Variants in ADNP observed in about 807,000 individuals in gnomAD.
ADNP encodes activity-dependent neuroprotector homeobox protein.
Under a neutral mutation model 84.9 loss-of-function variants are expected in ADNP, and 4 were observed. The observed-to-expected ratio is 0.05, with a 90% CI of 0.02 to 0.11. ADNP has a LOEUF of 0.11. ADNP is among the 10% of genes least tolerant of loss of function. The pLI is 1.00. For synonymous variants in ADNP, 554 were observed against 468.1 expected, an observed-to-expected ratio of 1.18 and a Z score of -2.37; for missense variants, 1,132 against 1,326.0, an observed-to-expected ratio of 0.85 and a Z score of 2.27.
intron 2 of ADNP, among the ~76,000 whole-genome samples, chr20:50,916,452 C>T (rs1437171598): frequency 6.6e-6 from 1 of 152,142 alleles, no homozygotes; most frequent in Non-Finnish European, 1.5e-5. Context: ...TTAAGACACG[C>T]CCCTCTTCTC....
Position 50,890,893 on chromosome 20 carries a change from G to T in ADNP, c.*512C>A. The T allele has an allele frequency of 1.0e-6, 1 of 977,330 alleles. No homozygotes were observed. The highest frequency in any genetic ancestry group is 1.2e-6 in the Non-Finnish European group (1 of 822,428). The allele number at this position is 977,330 out of a possible 1,614,324, so 60.5% of individuals were successfully genotyped here. A position where few individuals can be genotyped will look rare whatever the true frequency, so the allele number is the denominator to read the frequency against. Reference sequence around the variant, plus strand: ...CACTAAAAAAAGAAATCTATGATGGGCACACAGTAACAGGATCATGAGCAT... The same window carrying T: ...CACTAAAAAAAGAAATCTATGATGGTCACACAGTAACAGGATCATGAGCAT... On this transcript the variant is annotated 3_prime_UTR_variant, in exon 6 of 6. Coordinates refer to ENST00000621696, the MANE Select transcript of ADNP (RefSeq NM_001282531.3).
At chr20:50,897,199 C>G (rs1310024790) in intron 5 of ADNP, among the ~76,000 whole-genome samples, 1 of 152,188 alleles carries the variant, frequency 6.6e-6, no homozygotes, top group Non-Finnish European at 1.5e-5. Flanking sequence ...CCTCGGCCTC[C>G]CAAAATGCTG....
intron 2 of ADNP, among the ~76,000 whole-genome samples, chr20:50,906,189 C>T (rs898922182): frequency 2.0e-5 from 3 of 152,096 alleles, no homozygotes; most frequent in Non-Finnish European, 2.9e-5. Flanking sequence ...TCCAGCATGG[C>T]GAGAGCGAGA....
chr20:50,892,788 G>A lies in ADNP; in HGVS notation c.1926C>T (p.His642=), dbSNP rs763668288. 13 of 1,614,134 alleles carry A rather than the reference G, an allele frequency of 8.1e-6. No homozygotes were observed. The highest frequency in any genetic ancestry group is 1.7e-5 in the Admixed American group (1 of 60,014). Reference sequence around the variant, plus strand: ...GAATAACTTGGTGCCTCTCTCGTAAGTGATGTGCAAGTGCATCAGATATGG... The same window carrying A: ...GAATAACTTGGTGCCTCTCTCGTAAATGATGTGCAAGTGCATCAGATATGG... The part of the protein sequence containing the change: ...KGPISDALAH[H]LRERHQVIQT... Residue 642 remains histidine, a synonymous_variant, in exon 6 of 6, where the codon CAC becomes CAT. Transcript: ENST00000621696.
intron 5 of ADNP, among the ~76,000 whole-genome samples, chr20:50,900,239 T>G (rs1026776148): frequency 3.9e-5 from 6 of 152,334 alleles, no homozygotes; most frequent in South Asian, 2.1e-4. Context: ...TTAATCACTC[T>G]TATAGTATTC....
In ADNP at chr20:50,906,972, TTTTG is replaced by T. The variant is rs1313992391; in HGVS notation, c.-89-2127_-89-2124del. Among the ~76,000 whole-genome samples the T allele has an allele frequency of 3.2e-5, 3 of 95,134 alleles. No individual in the cohort carries two copies. In the East Asian group the frequency reaches 1.0e-3, roughly 32 times the overall value. 62.4% of individuals were successfully genotyped at this position (95,134 alleles called of 152,430 possible). On this transcript the variant is annotated intron_variant, in intron 2 of 5. Transcript: ENST00000621696. ...TTGAGACAGGGTTCCAGTTTTTTTT[TTTTG>T]TTTTTTTTTTTGAGACAGTCTCGCT...
intron 1 of ADNP, among the ~76,000 whole-genome samples, 190 bp downstream of exon 1, chr20:50,930,636 G>A (rs1250446740): frequency 6.6e-6 from 1 of 151,756 alleles, no homozygotes; most frequent in Non-Finnish European, 1.5e-5. Context: ...TCGGGTAGCG[G>A]TCCGTGCCGG....
chr20:50,890,754 AG>A lies in ADNP; in HGVS notation c.*650del, dbSNP rs1980608578. The stretch of plus-strand genomic sequence containing the variant: ...TCTTACGTGGCTGGCCTCTGTTGCA[AG>A]ATTGTACAAGGTTATGTGCAAAAAC... On this transcript the variant is annotated 3_prime_UTR_variant, in exon 6 of 6. Coordinates refer to ENST00000621696, the MANE Select transcript of ADNP (RefSeq NM_001282531.3). The A allele has an allele frequency of 4.9e-6, 1 of 202,714 alleles. No homozygotes were observed. The highest frequency in any genetic ancestry group is 6.5e-5 in the Admixed American group (1 of 15,336). The allele number at this position is 202,714 out of a possible 1,614,324, so 12.6% of individuals were successfully genotyped here.
chr20:50,910,969 A>G (rs1982969615), intron 2 of ADNP, among the ~76,000 whole-genome samples: 4 of 152,144 alleles, frequency 2.6e-5, no homozygotes, highest in Admixed American at 2.6e-4. Flanking sequence ...TCAATTCTGG[A>G]GACTAACACT....
At chr20:50,923,396 C>T (rs1028740956) in intron 2 of ADNP, among the ~76,000 whole-genome samples, 1 of 152,214 alleles carries the variant, frequency 6.6e-6, no homozygotes, top group Non-Finnish European at 1.5e-5. Flanking sequence ...TTCCCAGGAT[C>T]AAGGCTTCAC....
intron 2 of ADNP, among the ~76,000 whole-genome samples, chr20:50,911,655 T>C (rs1419772950): frequency 1.3e-5 from 2 of 152,132 alleles, no homozygotes; most frequent in Non-Finnish European, 1.5e-5. Flanking sequence ...AGCTTGTCTA[T>C]GGTAGTTCTG....
intron 2 of ADNP, among the ~76,000 whole-genome samples, chr20:50,916,712 T>C (rs930503168): frequency 6.6e-6 from 1 of 152,200 alleles, no homozygotes; most frequent in African/African-American, 2.4e-5. Context: ...TAAAAAATAT[T>C]TTTAAAAATA....
Position 50,923,437 on chromosome 20 carries a change from C to A in ADNP, c.-90+5214G>T, listed in dbSNP as rs1984086148. On this transcript the variant is annotated intron_variant, in intron 2 of 5. Transcript: ENST00000621696. ...GTAGCTTTTCAAAAGCGTTCTTGTACCAGGTTTTGCCACTTGATGGCTCAA... is the reference window on the plus strand; with the variant it reads ...GTAGCTTTTCAAAAGCGTTCTTGTAACAGGTTTTGCCACTTGATGGCTCAA... Among the ~76,000 whole-genome samples, 4 of 152,174 alleles carry A rather than the reference C, an allele frequency of 2.6e-5. No homozygotes were observed. In the South Asian group the frequency reaches 6.2e-4, roughly 24 times the overall value.
intron 2 of ADNP, among the ~76,000 whole-genome samples, chr20:50,905,760 T>A (rs2122854742): frequency 6.6e-6 from 1 of 152,356 alleles, no homozygotes; most frequent in East Asian, 1.9e-4. Flanking sequence ...GCTAATAATC[T>A]GCATATTGTG....
Position 50,892,785 on chromosome 20 carries a change from T to A in ADNP, c.1929A>T (p.Leu643Phe). Reference protein sequence around the residue: ...GPISDALAHHLRERHQVIQTV... With the variant: ...GPISDALAHHFRERHQVIQTV... ...TCTGAATAACTTGGTGCCTCTCTCG[T>A]AAGTGATGTGCAAGTGCATCAGATA... The change falls in exon 6 of 6, where the codon TTA becomes TTT. Residue 643 changes from leucine (L) to phenylalanine (F), a missense_variant. By Grantham distance (22) the Leu-to-Phe change is conservative (BLOSUM62 0). Transcript: ENST00000621696. The A allele has an allele frequency of 6.2e-7, 1 of 1,614,268 alleles. No homozygotes were observed. Among genetic ancestry groups the A allele is most frequent in the Non-Finnish European group, 8.5e-7 (1 of 1,180,048 alleles).
In ADNP at chr20:50,892,548, C is replaced by T. The variant is rs765908230; in HGVS notation, c.2166G>A (p.Met722Ile). 2 of 1,614,196 alleles carry T rather than the reference C, an allele frequency of 1.2e-6. No homozygotes were observed. Among genetic ancestry groups the T allele is most frequent in the East Asian group, 4.5e-5 (2 of 44,876 alleles). The change falls in exon 6 of 6, where the codon ATG (methionine) becomes ATA (isoleucine). Residue 722 changes from methionine to isoleucine, a missense_variant. Transcript: ENST00000621696. ...TTCGTTTTTTCAGTAAGGGAAATTC[C>T]ATTTGCTCGTAAGTGCGCTTCACAG... ...LAPVKRTYEQ[M>I]EFPLLKKRKL...
At chr20:50,903,814 C>A in intron 4 of ADNP, 75 bp downstream of exon 4, 1 of 1,072,436 alleles carries the variant, frequency 9.3e-7, no homozygotes, top group Non-Finnish European at 1.4e-6. Context: ...AAGATTTAGC[C>A]ATCTTGGCCA....
At chr20:50,920,050 G>A (rs1568741886) in intron 2 of ADNP, among the ~76,000 whole-genome samples, 1 of 147,204 alleles carries the variant, frequency 6.8e-6, no homozygotes, top group South Asian at 2.2e-4. Context: ...AGGCCAAGAT[G>A]GGCAGATCAC....
rs1980663138 is a variant in ADNP, at chr20:50,891,183, G to A, written c.*222C>T. 1 of 1,311,910 alleles carries A rather than the reference G, an allele frequency of 7.6e-7. No individual in the cohort carries two copies. Among genetic ancestry groups the A allele is most frequent in the Non-Finnish European group, 9.7e-7 (1 of 1,035,276 alleles). 81.3% of individuals were successfully genotyped at this position (1,311,910 alleles called of 1,614,324 possible). On this transcript the variant is annotated 3_prime_UTR_variant, in exon 6 of 6. Coordinates refer to ENST00000621696, the MANE Select transcript of ADNP (RefSeq NM_001282531.3). ...GTATTCATGAGTCACCAGCTTATTG[G>A]TTTTTCACATTTAGTTACCGTGTCT...
Sources: gnomAD v4.1 joint callset for allele counts (sites outside exome capture counted in the v4.1 genomes callset) on GRCh38, gnomAD v4.1.1 for gene constraint, MANE v1.5 for transcripts, NCBI Gene and HGNC (gene_info 2026-07-23, HGNC 2026-07-21) for gene names.